Variants in SGCG observed in about 807,000 individuals in gnomAD.
The protein encoded by SGCG is gamma-sarcoglycan.
SGCG carries 26 observed loss-of-function variants against 29.3 expected under a neutral mutation model. The observed-to-expected ratio is 0.89, with a 90% CI of 0.65 to 1.23. SGCG has a LOEUF of 1.23. SGCG is among the 50% of genes most tolerant of loss of function. The probability of loss-of-function intolerance (pLI) is 0.00; values close to 1 mark genes in which losing one functional copy is unlikely to be tolerated. For synonymous variants in SGCG, 145 were observed against 129.7 expected, an observed-to-expected ratio of 1.12 and a Z score of -0.80; for missense variants, 353 against 356.0, an observed-to-expected ratio of 0.99 and a Z score of 0.07.
chr13:23,279,834 T>A (rs1447003536), intron 5 of SGCG, among the ~76,000 whole-genome samples: 1 of 151,802 alleles, frequency 6.6e-6, no homozygotes, highest in Non-Finnish European at 1.5e-5. Context: ...TTCAAGCAAT[T>A]CTCCTGCCTC....
chr13:23,192,549 A>T (rs1309145521), intron 1 of SGCG, among the ~76,000 whole-genome samples: 1 of 151,308 alleles, frequency 6.6e-6, no homozygotes, highest in Non-Finnish European at 1.5e-5. Flanking sequence ...GCCTGCCACC[A>T]CGCCCAGCTA....
At chr13:23,241,148 C>CA (rs150540516) in intron 3 of SGCG, among the ~76,000 whole-genome samples, 25,588 of 94,772 alleles carry the variant, frequency 0.27, 3,154 homozygotes, top group East Asian at 0.43. Flanking sequence ...GACTCCATCT[C>CA]AAAAAAAAAA....
At chr13:23,216,174 CATTCTCCAA>C (rs1430893876) in intron 2 of SGCG, among the ~76,000 whole-genome samples, 1 of 152,094 alleles carries the variant, frequency 6.6e-6, no homozygotes, top group Non-Finnish European at 1.5e-5. Context: ...TTCTGAGAGG[CATTCTCCAA>C]ATTCTCCAAT....
At chr13:23,224,561 T>A (rs1051165114) in intron 2 of SGCG, among the ~76,000 whole-genome samples, 3 of 151,938 alleles carry the variant, frequency 2.0e-5, no homozygotes, top group Admixed American at 2.0e-4. Flanking sequence ...TAGATCTCAT[T>A]TATCTTTACT....
intron 1 of SGCG, among the ~76,000 whole-genome samples, chr13:23,202,308 A>G (rs1877800069): frequency 6.6e-6 from 1 of 152,180 alleles, no homozygotes; most frequent in South Asian, 2.1e-4. Flanking sequence ...TGGGTGGGGA[A>G]TGGTTTTCAA....
chr13:23,188,481 T>A (rs1260499098), intron 1 of SGCG, among the ~76,000 whole-genome samples: 1 of 20,308 alleles, frequency 4.9e-5, no homozygotes, highest in Non-Finnish European at 1.5e-4. Flanking sequence ...GCCTGCCTAA[T>A]TTTTTTTTTT....
At chr13:23,234,562 AAAGC>A in intron 2 of SGCG, 45 bp from the exon 3 acceptor site, 2 of 1,285,378 alleles carry the variant, frequency 1.6e-6, no homozygotes. Flanking sequence ...GAGGAATGAA[AAAGC>A]AAGCAATAAA....
At chr13:23,194,874 C>T (rs141958677) in intron 1 of SGCG, among the ~76,000 whole-genome samples, 54 of 152,246 alleles carry the variant, frequency 3.5e-4, no homozygotes, top group South Asian at 2.3e-3. Context: ...AAGTAGACAT[C>T]GACTGTAATA....
chr13:23,174,947 C>T, the SGCG span, among the ~76,000 whole-genome samples: 5 of 152,086 alleles, frequency 3.3e-5, no homozygotes, highest in East Asian at 9.6e-4. Flanking sequence ...GAGACGAGAG[C>T]GGCGTGCACC....
At chr13:23,308,724 C>A (rs1376362012) in intron 6 of SGCG, among the ~76,000 whole-genome samples, 1 of 152,114 alleles carries the variant, frequency 6.6e-6, no homozygotes, top group Non-Finnish European at 1.5e-5. Context: ...GCCACCATGT[C>A]CAGCTAATTT....
the SGCG span, chr13:23,170,067 A>G: frequency 6.6e-6 from 1 of 152,210 alleles, no homozygotes; most frequent in Non-Finnish European, 1.5e-5. Flanking sequence ...TGGCAGAAAT[A>G]AAAGTAGTGG....
chr13:23,183,078 G>T (rs1190474321), intron 1 of SGCG, among the ~76,000 whole-genome samples: 3 of 152,152 alleles, frequency 2.0e-5, no homozygotes, highest in East Asian at 1.9e-4. Flanking sequence ...AAAAGTTTAG[G>T]CTATGGAGCC....
chr13:23,174,789 T>C, the SGCG span, among the ~76,000 whole-genome samples: 3 of 152,216 alleles, frequency 2.0e-5, no homozygotes, highest in Admixed American at 6.5e-5. Flanking sequence ...GGAAACATAG[T>C]TATAAAAATG....
chr13:23,161,639 G>T, the SGCG span, among the ~76,000 whole-genome samples: 2 of 152,130 alleles, frequency 1.3e-5, no homozygotes, highest in African/African-American at 4.8e-5. Flanking sequence ...TAAAATCTTC[G>T]TTTTTGTTGA....
chr13:23,202,957 T>C (rs2137499855), intron 1 of SGCG, among the ~76,000 whole-genome samples: 1 of 152,264 alleles, frequency 6.6e-6, no homozygotes, highest in East Asian at 1.9e-4. Context: ...TAAGTTTTCT[T>C]TTTTTCTTTT....
chr13:23,304,979 TCACAGGCGTGCACGTGCTCACACA>T (rs202118223), intron 6 of SGCG, among the ~76,000 whole-genome samples: 3 of 87,832 alleles, frequency 3.4e-5, no homozygotes, highest in Admixed American at 2.7e-4. Context: ...TTGCACGTGC[TCACAGGCGTGCACGTGCTCACACA>T]CACACACACA....
intron 2 of SGCG, among the ~76,000 whole-genome samples, chr13:23,225,414 C>T (rs1168586620): frequency 6.6e-6 from 1 of 152,162 alleles, no homozygotes; most frequent in Non-Finnish European, 1.5e-5. Flanking sequence ...TCTTGTTCTT[C>T]ATGCACCTTT....
intron 6 of SGCG, among the ~76,000 whole-genome samples, chr13:23,296,786 A>G (rs1420494161): frequency 2.0e-5 from 3 of 152,158 alleles, no homozygotes; most frequent in Non-Finnish European, 4.4e-5. Context: ...AGTTCCATAC[A>G]TAAATTTATT....
chr13:23,243,621 T>C (rs1879590743), intron 3 of SGCG: 1 of 152,198 alleles, frequency 6.6e-6, no homozygotes, highest in South Asian at 2.1e-4. Context: ...TGGATCTCAC[T>C]GCTCTCACCA....
Sources: gnomAD v4.1 joint callset for allele counts (sites outside exome capture counted in the v4.1 genomes callset) on GRCh38, gnomAD v4.1.1 for gene constraint, MANE v1.5 for transcripts, NCBI Gene and HGNC (gene_info 2026-07-23, HGNC 2026-07-21) for gene names.